PLD1: variants seen among roughly 807,000 people sequenced by gnomAD.
PLD1 encodes the protein phospholipase D1.
PLD1 carries 112 observed loss-of-function variants against 137.1 expected under a neutral mutation model. The ratio of observed to expected loss-of-function variants is 0.82; its 90% CI spans 0.70 to 0.96. The LOEUF is 0.96. Among genes scored for constraint, PLD1 ranks in the 40% least tolerant of loss-of-function variants. The pLI, the probability that PLD1 is intolerant of heterozygous loss-of-function variation, is 0.00. For missense variants in PLD1, 1,321 were observed against 1,342.0 expected (o/e 0.98, Z 0.24); for synonymous variants, 431 against 454.7 (o/e 0.95, Z 0.66).
chr3:171,708,478 C>A (rs1716874594), intron 11 of PLD1, among the ~76,000 whole-genome samples: 1 of 152,190 alleles, frequency 6.6e-6, no homozygotes, highest in African/African-American at 2.4e-5. Context: ...ACTTGCATTA[C>A]AGTATAATCT....
At position 171,762,845 on chromosome 3, in the gene PLD1, G is replaced by T. The variant is rs529451230; in HGVS notation, c.-31-24763C>A. 4.1e-4 allele frequency among the ~76,000 whole-genome samples: 63 copies of T among 152,244 alleles called. 1 individual carries two copies. The highest frequency in any genetic ancestry group is 1.5e-3 in the African/African-American group (62 of 41,552). ...TATTACTAGACTTGGGAGGGTAAGG[G>T]GGCAGCTATAAGAGTGTAAATTTCA... On this transcript the variant is annotated intron_variant, in intron 1 of 26. Coordinates refer to ENST00000351298, the MANE Select transcript of PLD1 (RefSeq NM_002662.5).
At chr3:171,738,491 A>G (rs1346318415) in intron 1 of PLD1, among the ~76,000 whole-genome samples, 1 of 152,214 alleles carries the variant, frequency 6.6e-6, no homozygotes, top group Non-Finnish European at 1.5e-5. Flanking sequence ...GCAACTCTAA[A>G]TATTTCCTAA....
intron 23 of PLD1, among the ~76,000 whole-genome samples, chr3:171,623,878 ACTCC>A (rs1733854960): frequency 6.6e-6 from 1 of 152,038 alleles, no homozygotes; most frequent in Non-Finnish European, 1.5e-5. Context: ...ACAAGAATAA[ACTCC>A]AAATGGATCA....
chr3:171,778,857 C>T (rs762430731), intron 1 of PLD1, among the ~76,000 whole-genome samples: 1 of 152,060 alleles, frequency 6.6e-6, no homozygotes, highest in African/African-American at 2.4e-5. Flanking sequence ...GAAAGTGAAA[C>T]ACTGTGCCAT....
intron 1 of PLD1, chr3:171,792,718 T>C (rs1259351720): frequency 2.2e-6 from 1 of 456,686 alleles, no homozygotes; most frequent in Non-Finnish European, 4.4e-6. Flanking sequence ...GTCAAGGACA[T>C]TTCTGCAGGG....
chr3:171,714,081 T>C (rs774407593), intron 8 of PLD1, 36 bp from the exon 9 acceptor site: 16 of 1,365,490 alleles, frequency 1.2e-5, no homozygotes, highest in South Asian at 3.5e-5. Flanking sequence ...AAAAGTTGCA[T>C]TGAGTAAATA....
intron 25 of PLD1, chr3:171,611,550 C>T: frequency 7.7e-6 from 4 of 517,538 alleles, no homozygotes; most frequent in South Asian, 5.6e-5. Flanking sequence ...GCCCAGTATT[C>T]TCTCTGCTTC....
chr3:171,624,965 G>A (rs752403994), intron 23 of PLD1, among the ~76,000 whole-genome samples: 1 of 152,108 alleles, frequency 6.6e-6, no homozygotes, highest in African/African-American at 2.4e-5. Context: ...GAAACTGAAA[G>A]TATAGAGGAA....
intron 1 of PLD1, chr3:171,809,951 C>G (rs1193062234): frequency 2.0e-5 from 3 of 152,350 alleles, no homozygotes; most frequent in Non-Finnish European, 2.9e-5. Flanking sequence ...CGCGGCACTT[C>G]CTGGTTGGTA....
chr3:171,639,229 T>C (rs1336001596), intron 23 of PLD1, among the ~76,000 whole-genome samples: 1 of 142,292 alleles, frequency 7.0e-6, no homozygotes, highest in African/African-American at 2.6e-5. Context: ...AAAATATATA[T>C]CTATACATAT....
At chr3:171,801,070 T>A (rs1376546879) in intron 1 of PLD1, among the ~76,000 whole-genome samples, 1 of 152,242 alleles carries the variant, frequency 6.6e-6, no homozygotes, top group African/African-American at 2.4e-5. Context: ...ACAATCATTA[T>A]AAAAGCCAGC....
intron 1 of PLD1, among the ~76,000 whole-genome samples, chr3:171,741,630 A>G (rs1250271763): frequency 6.6e-6 from 1 of 152,198 alleles, no homozygotes; most frequent in Non-Finnish European, 1.5e-5. Context: ...CCATGGAGAG[A>G]TAAGAGCAGC....
intron 11 of PLD1, among the ~76,000 whole-genome samples, chr3:171,701,590 A>C (rs1366813637): frequency 6.6e-6 from 1 of 152,258 alleles, no homozygotes; most frequent in Non-Finnish European, 1.5e-5. Context: ...ACTTTGAAGA[A>C]TCTTAAGATA....
chr3:171,682,160 GAAAGAAAAAGAA>G (rs754757189), intron 16 of PLD1, among the ~76,000 whole-genome samples: 4 of 47,820 alleles, frequency 8.4e-5, no homozygotes, highest in Middle Eastern at 0.014. Context: ...AAGAAAGAAA[GAAAGAAAAAGAA>G]AGAAAGAAAG....
intron 23 of PLD1, among the ~76,000 whole-genome samples, chr3:171,624,498 G>GA (rs1733916758): frequency 6.6e-6 from 1 of 151,880 alleles, no homozygotes; most frequent in Admixed American, 6.6e-5. Flanking sequence ...TTTACCTCCT[G>GA]ACTCAGCAAT....
At chr3:171,735,385 C>T in intron 4 of PLD1, 107 bp downstream of exon 4, 1 of 905,984 alleles carries the variant, frequency 1.1e-6, no homozygotes. Context: ...ATCCTCCTGC[C>T]TCAGCCTCCC....
intron 25 of PLD1, among the ~76,000 whole-genome samples, chr3:171,611,222 G>A (rs1368470828): frequency 6.6e-6 from 1 of 152,186 alleles, no homozygotes; most frequent in Non-Finnish European, 1.5e-5. Context: ...ATAAAACTGT[G>A]GACTTCCTAC....
intron 6 of PLD1, 50 bp from the exon 7 acceptor site, chr3:171,726,126 T>C (rs764384323): frequency 2.2e-5 from 28 of 1,275,494 alleles, no homozygotes; most frequent in Non-Finnish European, 3.1e-5. Context: ...AATTCAAATT[T>C]ATGCATTAAA....
At chr3:171,731,274 CT>C (rs1487223426) in intron 6 of PLD1, among the ~76,000 whole-genome samples, 1 of 152,060 alleles carries the variant, frequency 6.6e-6, no homozygotes, top group African/African-American at 2.4e-5. Context: ...TTAACAGATA[CT>C]TTTTTAGTAT....
Sources: allele counts gnomAD v4.1 joint callset (sites outside exome capture counted in the v4.1 genomes callset), GRCh38; gene constraint gnomAD v4.1.1; transcripts MANE v1.5; gene names NCBI Gene and HGNC (gene_info 2026-07-23, HGNC 2026-07-21).